UBN2: variants seen among roughly 807,000 people sequenced by gnomAD.
UBN2 encodes ubinuclein-2.
UBN2 carries 35 observed loss-of-function variants against 120.2 expected under a neutral mutation model. The ratio of observed to expected loss-of-function variants is 0.29; its 90% confidence interval spans 0.22 to 0.39. UBN2 has a LOEUF of 0.39. Ranked by LOEUF, UBN2 falls within the 10% of genes least tolerant of loss-of-function variation. UBN2 has a pLI of 1.00. For missense variants in UBN2, 1,693 were observed against 1,663.2 expected (o/e 1.02, Z -0.31); for synonymous variants, 661 against 648.7 (o/e 1.02, Z -0.29).
intron 1 of UBN2, among the ~76,000 whole-genome samples, chr7:139,233,604 A>G (rs1796085777): frequency 6.6e-6 from 1 of 152,168 alleles, no homozygotes; most frequent in African/African-American, 2.4e-5. Flanking sequence ...ACTTCTTTCC[A>G]TAGTGATACA....
intron 11 of UBN2, 125 bp downstream of exon 11, chr7:139,274,199 C>A: frequency 1.1e-6 from 1 of 926,198 alleles, no homozygotes; most frequent in Non-Finnish European, 1.5e-6. Flanking sequence ...AGCATGCTGT[C>A]TAGTCATCTC....
rs746728413 is a variant in UBN2, at chr7:139,283,915, G to C, written c.3010G>C (p.Val1004Leu). The change falls in exon 15 of 18, where the codon GTA becomes CTA. Residue 1004 changes from valine (V) to leucine (L), a missense_variant. Physicochemically the swap from Val to Leu is conservative, Grantham distance 32 (BLOSUM62 1). Coordinates refer to ENST00000473989, the MANE Select transcript of UBN2 (RefSeq NM_173569.4). ...GTCCCACCCCCTGGTTTCTAGGACA[G>C]TACCTAGCACCACTACCTCCAGTAA... is the stretch of plus-strand genomic sequence containing the variant. The part of the protein sequence containing the change: ...QGSHPLVSRT[V>L]PSTTTSSNYL... The C allele has an allele frequency of 6.2e-7, 1 of 1,614,060 alleles. No individual in the cohort carries two copies. The highest frequency in any genetic ancestry group is 8.5e-7 in the Non-Finnish European group (1 of 1,180,010).
At chr7:139,325,880 A>C in the UBN2 span, among the ~76,000 whole-genome samples, 1 of 152,036 alleles carries the variant, frequency 6.6e-6, no homozygotes, top group Non-Finnish European at 1.5e-5. Context: ...GAGTGGAGGT[A>C]GGGTTTCTTT....
At chr7:139,294,254 T>A (rs950446325) in intron 17 of UBN2, among the ~76,000 whole-genome samples, 1 of 152,206 alleles carries the variant, frequency 6.6e-6, no homozygotes, top group East Asian at 1.9e-4. Context: ...TTAAAAGTTA[T>A]GTACAGTAAT....
At chr7:139,262,163 G>A (rs983445273) in intron 6 of UBN2, among the ~76,000 whole-genome samples, 7 of 151,846 alleles carry the variant, frequency 4.6e-5, no homozygotes, top group East Asian at 1.9e-4. Flanking sequence ...GTGCAGTGGC[G>A]TGCTCTGCTC....
chr7:139,293,913 G>A lies in UBN2; in HGVS notation c.3926G>A (p.Gly1309Glu), dbSNP rs781456121. 7 of 1,614,090 alleles carry A rather than the reference G, an allele frequency of 4.3e-6. No individual in the cohort carries two copies. The South Asian group carries it at 4.4e-5, about 10-fold the overall frequency. Residue 1309 changes from glycine to glutamate, a missense_variant, in exon 17 of 18, where the codon GGA (glycine) becomes GAA (glutamate). This residue lies in a region of UBN2 where 837 missense variants were observed against 817.6 expected (regional missense o/e 1.02). Coordinates refer to ENST00000473989, the MANE Select transcript of UBN2 (RefSeq NM_173569.4). ...TQNLLKGLQP[G>E]GAQHAATLSH... ...GATTTACTAAAGGGTTTACAGCCAG[G>A]AGGAGCTCAGCATGCAGCAACGCTT...
At chr7:139,274,884 A>G (rs58349325) in intron 11 of UBN2, among the ~76,000 whole-genome samples, 14,175 of 152,168 alleles carry the variant, frequency 0.093, 1,155 homozygotes, top group Admixed American at 0.21. Context: ...AGCCCCAGGA[A>G]TCTGAGACCA....
In UBN2 at chr7:139,306,045, G is replaced by A. The variant is rs1798351420; in HGVS notation, c.*8209G>A. ...AATATAATGATTTTATTGTAAATCTGTGTTTTAAATATTTTATAACAGAGC... is the reference window on the plus strand; with the variant it reads ...AATATAATGATTTTATTGTAAATCTATGTTTTAAATATTTTATAACAGAGC... On this transcript the variant is annotated 3_prime_UTR_variant, in exon 18 of 18. Transcript: ENST00000473989. The A allele has an allele frequency of 6.6e-6, 1 of 152,056 alleles. No homozygotes were observed. The highest frequency in any genetic ancestry group is 1.9e-4 in the East Asian group (1 of 5,200). 9.4% of individuals were successfully genotyped at this position (152,056 alleles called of 1,614,324 possible). A position where few individuals can be genotyped will look rare whatever the true frequency, so the allele number is the denominator to read the frequency against.
chr7:139,316,077 C>CAAAAAAAAAAAAAAAA, the UBN2 span, among the ~76,000 whole-genome samples: 7 of 14,184 alleles, frequency 4.9e-4, 2 homozygotes, highest in Non-Finnish European at 8.9e-4. Flanking sequence ...GACTTCGTCT[C>CAAAAAAAAAAAAAAAA]AAAAAAAAAA....
intron 2 of UBN2, among the ~76,000 whole-genome samples, chr7:139,244,622 C>T (rs73732634): frequency 6.6e-6 from 1 of 152,218 alleles, no homozygotes; most frequent in Non-Finnish European, 1.5e-5. Context: ...CCAGTTCTAT[C>T]CCTTCTCTGT....
At chr7:139,232,853 G>A (rs1172806535) in intron 1 of UBN2, among the ~76,000 whole-genome samples, 1 of 152,216 alleles carries the variant, frequency 6.6e-6, no homozygotes, top group East Asian at 1.9e-4. Context: ...AATGGAGAAA[G>A]GATAGGGGTT....
intron 2 of UBN2, among the ~76,000 whole-genome samples, chr7:139,239,501 T>C (rs1256433813): frequency 6.6e-6 from 1 of 151,736 alleles, no homozygotes; most frequent in Admixed American, 6.6e-5. Flanking sequence ...AATTTTAGTA[T>C]ATATTACTAA....
Position 139,274,211 on chromosome 7 carries a change from G to T in UBN2, c.1973+137G>T. 3 of 830,858 alleles carry T rather than the reference G, an allele frequency of 3.6e-6. 1 individual carries two copies. Among genetic ancestry groups the T allele is most frequent in the Non-Finnish European group, 5.1e-6 (3 of 585,628 alleles). 51.5% of individuals were successfully genotyped at this position (830,858 alleles called of 1,614,324 possible). ...TTCAGCATGCTGTCTAGTCATCTCAGATGATCCTTGCTTTGAAAACCTTAA... is the reference window on the plus strand; with the variant it reads ...TTCAGCATGCTGTCTAGTCATCTCATATGATCCTTGCTTTGAAAACCTTAA... On this transcript the variant is annotated intron_variant, in intron 11 of 17. Coordinates refer to ENST00000473989, the MANE Select transcript of UBN2 (RefSeq NM_173569.4).
chr7:139,324,146 T>G, the UBN2 span, among the ~76,000 whole-genome samples: 1 of 152,162 alleles, frequency 6.6e-6, no homozygotes, highest in Non-Finnish European at 1.5e-5. Flanking sequence ...CTACAGTGGT[T>G]CTCTTTTTCT....
At position 139,283,197 on chromosome 7, in the gene UBN2, A is replaced by G. The variant is rs1013936015; in HGVS notation, c.2292A>G (p.Ser764=). ...TAGATGAAGACCTTTCTTTCCATTC[A>G]CCTTCACTGGATCTTGTTTCTGAAG... The part of the protein sequence containing the change: ...DSLDEDLSFH[S]PSLDLVSEAL... The change falls in exon 15 of 18, where the codon TCA becomes TCG. Residue 764 remains serine (S), a synonymous_variant. Transcript: ENST00000473989. 6.2e-6 allele frequency: 10 copies of G among 1,612,414 alleles called. No individual in the cohort carries two copies. The highest frequency in any genetic ancestry group is 6.8e-6 in the Non-Finnish European group (8 of 1,179,798).
chr7:139,295,766 A>G (rs1344073430), intron 17 of UBN2, among the ~76,000 whole-genome samples: 3 of 152,168 alleles, frequency 2.0e-5, no homozygotes, highest in Non-Finnish European at 4.4e-5. Context: ...CAAAAAATAC[A>G]GAAAATTTTC....
rs186129497 is a variant in UBN2 at position 139,267,246 on chromosome 7, G to A, written c.1466+843G>A. 4.3e-3 allele frequency among the ~76,000 whole-genome samples: 651 copies of A among 152,222 alleles called. 11 individuals are homozygous for A. Among genetic ancestry groups the A allele is most frequent in the Non-Finnish European group, 2.9e-3 (198 of 68,002 alleles). ...AGCATCATGTATTATAGAAAGACAC[G>A]GGAAAGGTCAGGCATGGTGGCTCAT... is the stretch of plus-strand genomic sequence containing the variant. On this transcript the variant is annotated intron_variant, in intron 7 of 17. Coordinates refer to ENST00000473989, the MANE Select transcript of UBN2 (RefSeq NM_173569.4).
At chr7:139,324,741 C>T in the UBN2 span, among the ~76,000 whole-genome samples, 19 of 152,018 alleles carry the variant, frequency 1.2e-4, no homozygotes, top group Non-Finnish European at 2.8e-4. Flanking sequence ...GAGGCTGAGG[C>T]GGGCAGATCT....
chr7:139,314,762 G>A, the UBN2 span, among the ~76,000 whole-genome samples: 2 of 151,994 alleles, frequency 1.3e-5, no homozygotes, highest in African/African-American at 4.8e-5. Flanking sequence ...TGGGATTACA[G>A]GCGTGAGCCA....
Sources: allele counts gnomAD v4.1 joint callset (sites outside exome capture counted in the v4.1 genomes callset), GRCh38; gene constraint gnomAD v4.1.1; regional missense constraint gnomAD v4.1.1; transcripts MANE v1.5; gene names NCBI Gene and HGNC (gene_info 2026-07-23, HGNC 2026-07-21).